NDUFC1: variants seen among roughly 807,000 people sequenced by gnomAD.
NDUFC1 encodes the protein NADH dehydrogenase [ubiquinone] 1 subunit C1, mitochondrial.
A neutral mutation model predicts 11.6 loss-of-function variants in NDUFC1; 11 were observed. That is an observed-to-expected ratio of 0.95 (90% CI 0.60 to 1.58). NDUFC1 has a LOEUF of 1.58. Ranked by LOEUF, NDUFC1 falls within the 40% of genes most tolerant of loss-of-function variation. The pLI, the probability that NDUFC1 is intolerant of heterozygous loss-of-function variation, is 0.00. For missense variants in NDUFC1, 112 were observed against 93.0 expected (o/e 1.20, Z -0.84); for synonymous variants, 52 against 42.2 (o/e 1.23, Z -0.90).
chr4:139,301,128 C>G (rs1167917789), intron 1 of NDUFC1: 1 of 162,110 alleles, frequency 6.2e-6, no homozygotes, highest in Non-Finnish European at 1.3e-5. Context: ...CGTCCATAAT[C>G]AACTACAGCG....
chr4:139,295,999 A>C lies in NDUFC1; in HGVS notation c.-162-39T>G, dbSNP rs1745456182. The C allele has an allele frequency of 5.6e-6, 3 of 535,756 alleles. No individual in the cohort carries two copies. In the East Asian group the frequency reaches 1.1e-4, roughly 19 times the overall value. The allele number at this position is 535,756 out of a possible 1,614,324, so 33.2% of individuals were successfully genotyped here. A position where few individuals can be genotyped will look rare whatever the true frequency, so the allele number is the denominator to read the frequency against. ...TTAGGAAGAAAATAATTAAAAGAAAAAAGAGTTTACCTATTCTCTGTCCTC... is the reference window on the plus strand; with the variant it reads ...TTAGGAAGAAAATAATTAAAAGAAACAAGAGTTTACCTATTCTCTGTCCTC... On this transcript the variant is annotated intron_variant, in intron 2 of 5. Coordinates refer to ENST00000394223, the MANE Select transcript of NDUFC1 (RefSeq NM_001184989.2).
At chr4:139,301,073 T>A (rs375255006) in intron 1 of NDUFC1, 2 of 153,602 alleles carry the variant, frequency 1.3e-5, no homozygotes, top group African/African-American at 2.4e-5. Context: ...GCGGTGAAGC[T>A]TTTTTCATTT....
intron 5 of NDUFC1, 148 bp downstream of exon 5, chr4:139,292,382 A>G (rs935160302): frequency 1.7e-5 from 6 of 357,614 alleles, no homozygotes; most frequent in Admixed American, 4.8e-5. Flanking sequence ...AAGGTATTAC[A>G]AATTTATAAA....
In NDUFC1 at chr4:139,301,930, C is replaced by T. The variant is rs913024762; in HGVS notation, c.-222+486G>A. 5 of 1,299,508 alleles carry T rather than the reference C, an allele frequency of 3.8e-6. No homozygotes were observed. In the African/African-American group the frequency reaches 7.4e-5, roughly 19 times the overall value. 80.5% of individuals were successfully genotyped at this position (1,299,508 alleles called of 1,614,324 possible). On this transcript the variant is annotated intron_variant, in intron 1 of 5. Coordinates refer to ENST00000394223, the MANE Select transcript of NDUFC1 (RefSeq NM_001184989.2). ...CCGGCGGGCACTGAGCCACTCCCGCCCGGGACCCCGCCTTCATAGCTCTCG... is the reference window on the plus strand; with the variant it reads ...CCGGCGGGCACTGAGCCACTCCCGCTCGGGACCCCGCCTTCATAGCTCTCG...
intron 5 of NDUFC1, 105 bp from the exon 6 acceptor site, chr4:139,290,197 C>G (rs925503196): frequency 4.6e-5 from 7 of 151,668 alleles, no homozygotes; most frequent in Admixed American, 1.3e-4. Context: ...CTAGAAAAGA[C>G]CCACAAAGAG....
intron 5 of NDUFC1, among the ~76,000 whole-genome samples, chr4:139,292,206 C>T (rs893239263): frequency 6.6e-6 from 1 of 152,030 alleles, no homozygotes; most frequent in Non-Finnish European, 1.5e-5. Flanking sequence ...AAAATGATTA[C>T]GCTAAAAGAT....
Position 139,295,735 on chromosome 4 carries a change from C to T in NDUFC1, c.64G>A (p.Gly22Ser), listed in dbSNP as rs760364003. 1.1e-5 allele frequency: 17 copies of T among 1,542,680 alleles called. No individual in the cohort carries two copies. The highest frequency in any genetic ancestry group is 8.3e-5 in the African/African-American group (6 of 72,146). The change falls in exon 3 of 6, where the codon GGC (glycine) becomes AGC (serine). Residue 22 changes from glycine (G) to serine (S), a missense_variant. Coordinates refer to ENST00000394223, the MANE Select transcript of NDUFC1 (RefSeq NM_001184989.2). ...CCTGCACGAGGAGGATACTCACGGC[C>T]GCTCGGGAGCCTGGCGGGGGCCAGC... Reference protein sequence around the residue: ...RLLAPARLPSGPSVRSKFYVR... With the variant: ...RLLAPARLPSSPSVRSKFYVR...
chr4:139,295,237 C>G (rs962334224), intron 3 of NDUFC1, 91 bp from the exon 4 acceptor site: 1 of 903,704 alleles, frequency 1.1e-6, no homozygotes, highest in African/African-American at 1.6e-5. Flanking sequence ...GCATTTAATT[C>G]TCCCTTCAAC....
chr4:139,292,345 C>CCA, intron 5 of NDUFC1, among the ~76,000 whole-genome samples, 185 bp downstream of exon 5: 1 of 151,788 alleles, frequency 6.6e-6, no homozygotes, highest in South Asian at 2.1e-4. Context: ...CCCCATCCCC[C>CCA]CCAAAACAAA....
intron 1 of NDUFC1, chr4:139,301,971 T>C: frequency 1.1e-6 from 1 of 876,976 alleles, no homozygotes; most frequent in South Asian, 1.8e-5. Flanking sequence ...CCGAATGCAT[T>C]GCTTTGCTCC....
At chr4:139,293,394 T>C (rs1579060329) in intron 4 of NDUFC1, among the ~76,000 whole-genome samples, 2 of 152,308 alleles carry the variant, frequency 1.3e-5, no homozygotes, top group South Asian at 4.1e-4. Flanking sequence ...TGACAGAATA[T>C]GCAACTGGAA....
At chr4:139,298,625 T>C (rs533379388) in intron 1 of NDUFC1, among the ~76,000 whole-genome samples, 92 of 151,954 alleles carry the variant, frequency 6.1e-4, no homozygotes, top group Admixed American at 2.4e-3. Context: ...CAATAGCAAA[T>C]TGTTAACATT....
intron 5 of NDUFC1, among the ~76,000 whole-genome samples, chr4:139,292,059 G>A (rs902369141): frequency 1.3e-5 from 2 of 152,070 alleles, no homozygotes; most frequent in Non-Finnish European, 2.9e-5. Context: ...GGATGGTCTT[G>A]ATCTCCTGAC....
At chr4:139,294,695 A>C (rs1745380185) in intron 4 of NDUFC1, among the ~76,000 whole-genome samples, 1 of 151,048 alleles carries the variant, frequency 6.6e-6, no homozygotes, top group Non-Finnish European at 1.5e-5. Flanking sequence ...AGATCACGCC[A>C]CTGCACTCCA....
At chr4:139,301,559 A>G in intron 1 of NDUFC1, 1 of 582,076 alleles carries the variant, frequency 1.7e-6, no homozygotes. Flanking sequence ...GGAGACCCGT[A>G]GTGGGGGAGG....
chr4:139,291,596 C>T (rs1347816781), intron 5 of NDUFC1, among the ~76,000 whole-genome samples: 3 of 151,916 alleles, frequency 2.0e-5, no homozygotes, highest in Non-Finnish European at 4.4e-5. Flanking sequence ...GAATCGATTG[C>T]CGTTATACAT....
intron 4 of NDUFC1, among the ~76,000 whole-genome samples, chr4:139,293,681 T>C (rs143969070): frequency 0.011 from 1,635 of 152,222 alleles, 16 homozygotes; most frequent in Non-Finnish European, 0.015. Flanking sequence ...CCAAACCCAT[T>C]AGATAAAAAA....
At chr4:139,297,827 A>T (rs1745530861) in intron 1 of NDUFC1, among the ~76,000 whole-genome samples, 1 of 152,240 alleles carries the variant, frequency 6.6e-6, no homozygotes, top group African/African-American at 2.4e-5. Context: ...ACTTTGTGAG[A>T]ACAAGGTAAA....
intron 1 of NDUFC1, chr4:139,301,680 T>C: frequency 7.1e-7 from 1 of 1,404,026 alleles, no homozygotes; most frequent in Non-Finnish European, 9.7e-7. Context: ...GATCGAGATA[T>C]TCAAGGCTGA....
Sources: gnomAD v4.1 joint callset for allele counts (sites outside exome capture counted in the v4.1 genomes callset) on GRCh38, gnomAD v4.1.1 for gene constraint, MANE v1.5 for transcripts, NCBI Gene and HGNC (gene_info 2026-07-23, HGNC 2026-07-21) for gene names.